The following TENM4 variants were observed in gnomAD, a reference collection of about 807,000 sequenced individuals.
The protein encoded by TENM4 is teneurin-4.
In TENM4, 82 loss-of-function variants were observed where a neutral mutation model predicts 243.3. That is an observed-to-expected ratio of 0.34 (90% CI 0.28 to 0.40). The LOEUF is 0.40. Among genes scored for constraint, TENM4 ranks in the 10% least tolerant of loss-of-function variants. TENM4 has a pLI of 1.00. For synonymous variants in TENM4, 1,412 were observed against 1,456.3 expected (o/e 0.97, Z 0.69); for missense variants, 3,138 against 3,673.3 (o/e 0.85, Z 3.77).
chr11:79,068,983 G>T (rs12288416), intron 5 of TENM4, among the ~76,000 whole-genome samples: 14,254 of 152,138 alleles, frequency 0.094, 707 homozygotes, highest in East Asian at 0.13. Flanking sequence ...GGCTAGAGGC[G>T]GGCAGCTCTG....
intron 5 of TENM4, among the ~76,000 whole-genome samples, chr11:79,066,663 T>TGCACATGCACACACACGC (rs1207330118): frequency 6.8e-6 from 1 of 148,126 alleles, no homozygotes; most frequent in East Asian, 2.0e-4. Context: ...CGTGCAAACA[T>TGCACATGCACACACACGC]GCACATGCAC....
At chr11:78,776,201 C>A (rs570299619) in intron 17 of TENM4, among the ~76,000 whole-genome samples, 1 of 152,272 alleles carries the variant, frequency 6.6e-6, no homozygotes, top group South Asian at 2.1e-4. Context: ...ACTTCCAAAT[C>A]ACAAATGTGA....
intron 1 of TENM4, among the ~76,000 whole-genome samples, chr11:79,419,965 G>C (rs1452071270): frequency 1.3e-5 from 2 of 152,178 alleles, no homozygotes; most frequent in Non-Finnish European, 2.9e-5. Context: ...ATGTGCATGT[G>C]TGTGTGAGTG....
intron 2 of TENM4, among the ~76,000 whole-genome samples, chr11:79,296,371 A>T (rs1856454301): frequency 6.6e-6 from 1 of 152,170 alleles, no homozygotes; most frequent in Admixed American, 6.5e-5. Flanking sequence ...TCTCTCTGAT[A>T]TGCTAAATCC....
chr11:78,669,419 T>A lies in TENM4; in HGVS notation c.6926A>T (p.His2309Leu), dbSNP rs747659423. ...RVSSKSSHSH[H>L]LQFFYADLTN... ...CAGGTCTGCATAGAAGAACTGCAGGTGGTGGCTGTGGCTGCTCTTGCTGGA... is the reference window on the plus strand; with the variant it reads ...CAGGTCTGCATAGAAGAACTGCAGGAGGTGGCTGTGGCTGCTCTTGCTGGA... Residue 2309 changes from histidine (H) to leucine (L), a missense_variant, in exon 32 of 34, where the codon CAC (histidine) becomes CTC (leucine). This residue lies in a region of TENM4 where 2,467 missense variants were observed against 3,059.1 expected (regional missense o/e 0.81). Transcript: ENST00000278550. The surrounding 1 kb of genome is among the most constrained non-coding windows in gnomAD (Gnocchi z 6.4). 1.2e-6 allele frequency: 2 copies of A among 1,613,132 alleles called. No homozygotes were observed. Among genetic ancestry groups the A allele is most frequent in the South Asian group, 2.2e-5 (2 of 90,968 alleles).
At chr11:79,296,890 C>T (rs1307225665) in intron 2 of TENM4, among the ~76,000 whole-genome samples, 2 of 152,224 alleles carry the variant, frequency 1.3e-5, no homozygotes, top group East Asian at 3.8e-4. Context: ...AATGGAGGAA[C>T]TCACTGATTG....
intron 2 of TENM4, among the ~76,000 whole-genome samples, chr11:79,282,313 A>G (rs917316186): frequency 2.6e-5 from 4 of 152,220 alleles, no homozygotes; most frequent in African/African-American, 9.6e-5. Flanking sequence ...GCAGAGACCC[A>G]GATGGATTTC....
intron 18 of TENM4, among the ~76,000 whole-genome samples, chr11:78,758,530 G>A (rs1856362189): frequency 6.6e-6 from 1 of 152,098 alleles, no homozygotes; most frequent in African/African-American, 2.4e-5. Context: ...AAATAATGTG[G>A]GAGTAACAGT....
chr11:78,685,530 G>T (rs555483946), intron 29 of TENM4, among the ~76,000 whole-genome samples: 5 of 152,120 alleles, frequency 3.3e-5, no homozygotes, highest in African/African-American at 4.8e-5. Context: ...ATGTGTCCAC[G>T]TATGCCTTTT....
intron 6 of TENM4, among the ~76,000 whole-genome samples, chr11:79,004,092 C>CTATCCTAAATATG (rs1443603087): frequency 2.0e-5 from 3 of 151,952 alleles, no homozygotes; most frequent in African/African-American, 7.3e-5. Flanking sequence ...GAAGATCTAG[C>CTATCCTAAATATG]TATCCTAAAT....
intron 3 of TENM4, among the ~76,000 whole-genome samples, chr11:79,213,681 G>C (rs749197927): frequency 4.6e-5 from 7 of 152,196 alleles, no homozygotes; most frequent in Non-Finnish European, 8.8e-5. Flanking sequence ...GAAAGCCCCC[G>C]GTGAGAGAGG....
intron 1 of TENM4, among the ~76,000 whole-genome samples, chr11:79,343,745 C>G (rs777507430): frequency 9.2e-5 from 14 of 152,128 alleles, no homozygotes; most frequent in Non-Finnish European, 1.9e-4. Context: ...AGCTTGTTAC[C>G]AGTACTAATT....
intron 3 of TENM4, among the ~76,000 whole-genome samples, chr11:79,180,217 C>G (rs549695449): frequency 6.6e-6 from 1 of 151,672 alleles, no homozygotes; most frequent in South Asian, 2.1e-4. Flanking sequence ...GAGAGCAGAT[C>G]CCTGGAACCT....
chr11:79,372,884 T>G (rs1410815966), intron 1 of TENM4, among the ~76,000 whole-genome samples: 1 of 152,008 alleles, frequency 6.6e-6, no homozygotes, highest in Non-Finnish European at 1.5e-5. Flanking sequence ...TTGGACAAGG[T>G]GACTTGGGCA....
intron 1 of TENM4, among the ~76,000 whole-genome samples, chr11:79,301,890 G>A (rs888550586): frequency 2.0e-5 from 3 of 152,186 alleles, no homozygotes; most frequent in Non-Finnish European, 2.9e-5. Flanking sequence ...CTCCCCAGAA[G>A]CCCAGCAGAT....
intron 3 of TENM4, among the ~76,000 whole-genome samples, chr11:79,157,019 T>C (rs1319943447): frequency 1.3e-5 from 2 of 152,018 alleles, no homozygotes; most frequent in African/African-American, 2.4e-5. Flanking sequence ...TCAGTGAATG[T>C]TTGCGGAATG....
chr11:78,656,935 C>A lies in TENM4; in HGVS notation c.*1123G>T. 1 of 398,014 alleles carries A rather than the reference C, an allele frequency of 2.5e-6. No individual in the cohort carries two copies. The highest frequency in any genetic ancestry group is 4.4e-5 in the Admixed American group (1 of 22,720). 24.7% of individuals were successfully genotyped at this position (398,014 alleles called of 1,614,324 possible). A position where few individuals can be genotyped will look rare whatever the true frequency, so the allele number is the denominator to read the frequency against. On this transcript the variant is annotated 3_prime_UTR_variant, in exon 34 of 34. Coordinates refer to ENST00000278550, the MANE Select transcript of TENM4 (RefSeq NM_001098816.3). ...TCTTTGGCTGGCTTTTTTTGTTAAGCATTTTTCCAGAATCAAAGGCCACCA... is the reference window on the plus strand; with the variant it reads ...TCTTTGGCTGGCTTTTTTTGTTAAGAATTTTTCCAGAATCAAAGGCCACCA...
intron 12 of TENM4, among the ~76,000 whole-genome samples, chr11:78,833,589 T>C (rs995632302): frequency 6.6e-6 from 1 of 152,212 alleles, no homozygotes; most frequent in Non-Finnish European, 1.5e-5. Context: ...GGCCACAGTC[T>C]GGTCAGGTTG....
intron 1 of TENM4, among the ~76,000 whole-genome samples, chr11:79,399,618 T>A (rs1858415096): frequency 1.3e-5 from 2 of 152,160 alleles, no homozygotes; most frequent in Non-Finnish European, 2.9e-5. Flanking sequence ...CTTGCTTGAA[T>A]ACATTTGTTT....
Sources: allele counts gnomAD v4.1 joint callset (sites outside exome capture counted in the v4.1 genomes callset), GRCh38; gene constraint gnomAD v4.1.1; regional missense constraint gnomAD v4.1.1; non-coding constraint Gnocchi (gnomAD v3.1); transcripts MANE v1.5; gene names NCBI Gene and HGNC (gene_info 2026-07-23, HGNC 2026-07-21).